XRCC4: variants seen among roughly 807,000 people sequenced by gnomAD.
XRCC4 encodes DNA repair protein XRCC4.
A neutral mutation model predicts 39.1 loss-of-function variants in XRCC4; 28 were observed. That is an observed-to-expected ratio of 0.72 (90% CI 0.53 to 0.98). The LOEUF is 0.98. Among genes scored for constraint, XRCC4 ranks in the 50% least tolerant of loss-of-function variants. The pLI is 0.00. For missense variants in XRCC4, 350 were observed against 376.4 expected (o/e 0.93, Z 0.58); for synonymous variants, 123 against 126.4 (o/e 0.97, Z 0.18).
At chr5:83,172,958 A>T (rs1329199384) in intron 3 of XRCC4, among the ~76,000 whole-genome samples, 1 of 152,118 alleles carries the variant, frequency 6.6e-6, no homozygotes, top group Non-Finnish European at 1.5e-5. Flanking sequence ...TCTACAAGAA[A>T]ATATTTGCAC....
the XRCC4 span, among the ~76,000 whole-genome samples, chr5:83,366,325 A>G: frequency 6.6e-6 from 1 of 152,216 alleles, no homozygotes; most frequent in African/African-American, 2.4e-5. Context: ...GTTCTCTTAC[A>G]GCAGAACAAA....
At position 83,258,749 on chromosome 5, in the gene XRCC4, A is replaced by G. The variant is rs28360230; in HGVS notation, c.893+72A>G. ...AATCTAGCATATGATCTTAAAAATTATGTTTTCATTTTGAACGTTTTTAAA... is the reference window on the plus strand; with the variant it reads ...AATCTAGCATATGATCTTAAAAATTGTGTTTTCATTTTGAACGTTTTTAAA... On this transcript the variant is annotated intron_variant, in intron 7 of 7. Transcript: ENST00000396027. 1.0e-4 allele frequency: 153 copies of G among 1,507,244 alleles called. 1 individual carries two copies. The East Asian group carries it at 2.9e-3, about 29-fold the overall frequency. The allele number at this position is 1,507,244 out of a possible 1,614,324, so 93.4% of individuals were successfully genotyped here.
chr5:83,261,507 G>A (rs543647004), intron 7 of XRCC4, among the ~76,000 whole-genome samples: 17 of 151,758 alleles, frequency 1.1e-4, no homozygotes, highest in African/African-American at 4.1e-4. Flanking sequence ...ATTCCCACCA[G>A]ACATCTTACA....
At chr5:83,243,432 T>C (rs1009430720) in intron 6 of XRCC4, among the ~76,000 whole-genome samples, 2 of 152,246 alleles carry the variant, frequency 1.3e-5, no homozygotes, top group Non-Finnish European at 2.9e-5. Flanking sequence ...TTCTTCTCTG[T>C]ACATACACTT....
At chr5:83,266,318 ATGATG>A (rs1425309444) in intron 7 of XRCC4, among the ~76,000 whole-genome samples, 1 of 150,418 alleles carries the variant, frequency 6.6e-6, no homozygotes, top group Non-Finnish European at 1.5e-5. Context: ...ATCATCTAGT[ATGATG>A]TGTTACTCAA....
At chr5:83,160,069 C>T (rs1292304169) in intron 3 of XRCC4, among the ~76,000 whole-genome samples, 1 of 152,008 alleles carries the variant, frequency 6.6e-6, no homozygotes, top group Non-Finnish European at 1.5e-5. Context: ...TTTCAATATG[C>T]CGTGAGTTTA....
At chr5:83,311,324 C>T (rs1755703953) in intron 7 of XRCC4, among the ~76,000 whole-genome samples, 1 of 152,102 alleles carries the variant, frequency 6.6e-6, no homozygotes, top group Non-Finnish European at 1.5e-5. Context: ...CAACAATAAT[C>T]TATTGTAATT....
At chr5:83,106,613 T>C (rs996319336) in intron 2 of XRCC4, among the ~76,000 whole-genome samples, 3 of 152,000 alleles carry the variant, frequency 2.0e-5, no homozygotes, top group Non-Finnish European at 4.4e-5. Context: ...TCTTATCTCT[T>C]AATTTAACCA....
At chr5:83,232,696 C>T (rs1752543303) in intron 6 of XRCC4, among the ~76,000 whole-genome samples, 1 of 152,052 alleles carries the variant, frequency 6.6e-6, no homozygotes, top group Admixed American at 6.6e-5. Context: ...ATGACTGGAT[C>T]ATTGTCATTA....
intron 1 of XRCC4, among the ~76,000 whole-genome samples, chr5:83,093,322 A>G (rs1009258795): frequency 7.2e-5 from 11 of 152,270 alleles, no homozygotes; most frequent in African/African-American, 2.7e-4. Flanking sequence ...TAAAGCAAAC[A>G]TTAAAGGGTG....
At chr5:83,179,245 G>A (rs1314740406) in intron 3 of XRCC4, among the ~76,000 whole-genome samples, 1 of 152,164 alleles carries the variant, frequency 6.6e-6, no homozygotes, top group African/African-American at 2.4e-5. Context: ...ATCGAACAAA[G>A]ATGTGAAAAA....
intron 6 of XRCC4, among the ~76,000 whole-genome samples, chr5:83,216,329 T>C (rs1393661848): frequency 6.6e-6 from 1 of 152,190 alleles, no homozygotes; most frequent in Non-Finnish European, 1.5e-5. Flanking sequence ...TAGGAAAGGA[T>C]GTGGCAAAAC....
At chr5:83,283,348 A>G (rs147770972) in intron 7 of XRCC4, among the ~76,000 whole-genome samples, 115 of 152,246 alleles carry the variant, frequency 7.6e-4, no homozygotes, top group African/African-American at 2.6e-3. Flanking sequence ...CTATCCACCT[A>G]ATTTATAAAA....
chr5:83,242,964 A>C (rs1421609207), intron 6 of XRCC4, among the ~76,000 whole-genome samples: 8 of 152,242 alleles, frequency 5.3e-5, no homozygotes, highest in Non-Finnish European at 1.2e-4. Flanking sequence ...TATATAACCA[A>C]ATCTTAAACT....
intron 3 of XRCC4, among the ~76,000 whole-genome samples, chr5:83,131,498 A>G (rs1747579297): frequency 6.6e-6 from 1 of 151,974 alleles, no homozygotes; most frequent in African/African-American, 2.4e-5. Flanking sequence ...TCACATCCTT[A>G]TTGTGTGGGA....
intron 1 of XRCC4, among the ~76,000 whole-genome samples, chr5:83,081,777 C>G (rs572988917): frequency 6.6e-6 from 1 of 152,310 alleles, no homozygotes; most frequent in Admixed American, 6.5e-5. Context: ...GTTTGCTCTT[C>G]TCTGCAACAA....
intron 1 of XRCC4, among the ~76,000 whole-genome samples, chr5:83,079,989 GAGTTATTACA>G (rs1016428958): frequency 6.6e-6 from 1 of 152,160 alleles, no homozygotes; most frequent in Non-Finnish European, 1.5e-5. Flanking sequence ...AGGATTACAT[GAGTTATTACA>G]AGTAAATCAT....
At chr5:83,109,662 A>G (rs367905149) in intron 2 of XRCC4, among the ~76,000 whole-genome samples, 24 of 152,044 alleles carry the variant, frequency 1.6e-4, no homozygotes, top group African/African-American at 5.8e-4. Flanking sequence ...CTCAGACACC[A>G]TGTTTGAAGA....
At chr5:83,266,240 G>A (rs1450662752) in intron 7 of XRCC4, among the ~76,000 whole-genome samples, 1 of 150,906 alleles carries the variant, frequency 6.6e-6, no homozygotes, top group Non-Finnish European at 1.5e-5. Flanking sequence ...AGGAAAAATA[G>A]GAGGTATATA....
Sources: gnomAD v4.1 joint callset for allele counts (sites outside exome capture counted in the v4.1 genomes callset) on GRCh38, gnomAD v4.1.1 for gene constraint, MANE v1.5 for transcripts, NCBI Gene and HGNC (gene_info 2026-07-23, HGNC 2026-07-21) for gene names.